Variants in MAML3 observed in about 807,000 individuals in gnomAD.
MAML3 encodes mastermind like transcriptional coactivator 3.
Under a neutral mutation model 101.9 loss-of-function variants are expected in MAML3, and 27 were observed. The ratio of observed to expected loss-of-function variants is 0.27; its 90% CI spans 0.20 to 0.37. MAML3 has a LOEUF of 0.37. Ranked by LOEUF, MAML3 falls within the 10% of genes least tolerant of loss-of-function variation. The pLI is 1.00. For synonymous variants in MAML3, 501 were observed against 555.9 expected, an observed-to-expected ratio of 0.90 and a Z score of 1.39; for missense variants, 1,316 against 1,444.9, an observed-to-expected ratio of 0.91 and a Z score of 1.45.
At chr4:140,007,483 AT>A (rs1726471323) in intron 1 of MAML3, among the ~76,000 whole-genome samples, 1 of 152,204 alleles carries the variant, frequency 6.6e-6, no homozygotes, top group Admixed American at 6.5e-5. Flanking sequence ...TCTGTATTCC[AT>A]TATATTCCAG....
intron 1 of MAML3, among the ~76,000 whole-genome samples, chr4:139,984,260 G>A (rs1337637243): frequency 6.6e-6 from 1 of 151,990 alleles, no homozygotes; most frequent in Non-Finnish European, 1.5e-5. Flanking sequence ...TGCAAATGCG[G>A]AGATCAAGAA....
At chr4:139,911,436 G>A (rs1732917694) in intron 1 of MAML3, among the ~76,000 whole-genome samples, 1 of 152,082 alleles carries the variant, frequency 6.6e-6, no homozygotes, top group South Asian at 2.1e-4. Flanking sequence ...CAGGCTGGTT[G>A]TGAACTCCTG....
chr4:140,084,186 C>G (rs1250962145), intron 1 of MAML3, among the ~76,000 whole-genome samples: 3 of 152,134 alleles, frequency 2.0e-5, no homozygotes, highest in African/African-American at 7.2e-5. Context: ...GTGAGAGAAA[C>G]TTTATCAAAC....
chr4:140,021,688 T>C (rs1166185248), intron 1 of MAML3, among the ~76,000 whole-genome samples: 2 of 152,150 alleles, frequency 1.3e-5, no homozygotes, highest in Non-Finnish European at 2.9e-5. Flanking sequence ...GGGAATCTCA[T>C]TTCTTTCTTC....
intron 2 of MAML3, among the ~76,000 whole-genome samples, chr4:139,832,198 G>A (rs34792891): frequency 0.07 from 10,169 of 145,044 alleles, 645 homozygotes; most frequent in African/African-American, 0.17. Flanking sequence ...TCCACCTCCC[G>A]GGTTCAAGTG....
chr4:139,902,271 A>ACGCGCGCG (rs372725858), intron 1 of MAML3, among the ~76,000 whole-genome samples: 3 of 134,094 alleles, frequency 2.2e-5, no homozygotes, highest in Non-Finnish European at 5.0e-5. Flanking sequence ...ACGCACACAC[A>ACGCGCGCG]CACGCACACA....
chr4:139,819,452 GC>G (rs1314157902), intron 2 of MAML3, among the ~76,000 whole-genome samples: 2 of 152,200 alleles, frequency 1.3e-5, no homozygotes, highest in Non-Finnish European at 2.9e-5. Context: ...TGTATCCCCT[GC>G]ATGAAGCTGC....
At chr4:139,784,862 G>C (rs775141439) in intron 2 of MAML3, among the ~76,000 whole-genome samples, 8 of 152,162 alleles carry the variant, frequency 5.3e-5, no homozygotes, top group Non-Finnish European at 7.3e-5. Flanking sequence ...AGGCTAGCTT[G>C]GTTCTCACAA....
At chr4:139,874,795 C>G (rs1732076417) in intron 2 of MAML3, among the ~76,000 whole-genome samples, 1 of 141,476 alleles carries the variant, frequency 7.1e-6, no homozygotes, top group African/African-American at 2.7e-5. Context: ...ATTATCATCC[C>G]CTATCTTTCC....
chr4:139,811,167 T>A (rs1320987325), intron 2 of MAML3, among the ~76,000 whole-genome samples: 3 of 152,212 alleles, frequency 2.0e-5, no homozygotes, highest in African/African-American at 7.2e-5. Flanking sequence ...AATGAAACTT[T>A]TTAAAACTTA....
At chr4:140,001,481 G>A (rs4863719) in intron 1 of MAML3, among the ~76,000 whole-genome samples, 146,138 of 152,264 alleles carry the variant, frequency 0.96, 70,455 homozygotes, top group East Asian at 1. Flanking sequence ...AAGTTGTTGG[G>A]GTCGGCACAG....
At chr4:139,996,575 TTGA>T (rs1734818537) in intron 1 of MAML3, among the ~76,000 whole-genome samples, 4 of 152,172 alleles carry the variant, frequency 2.6e-5, no homozygotes, top group Admixed American at 2.0e-4. Flanking sequence ...TATATTTTTG[TTGA>T]TGATAATGAT....
intron 1 of MAML3, among the ~76,000 whole-genome samples, chr4:140,098,529 T>C (rs1728197440): frequency 6.6e-6 from 1 of 152,236 alleles, no homozygotes; most frequent in Non-Finnish European, 1.5e-5. Context: ...CCCCCTTTCT[T>C]ATCCTTCCCG....
intron 1 of MAML3, among the ~76,000 whole-genome samples, chr4:140,101,094 TTGAC>T (rs943299850): frequency 2.6e-5 from 4 of 152,094 alleles, no homozygotes; most frequent in African/African-American, 4.8e-5. Context: ...AGAGCAGCCA[TTGAC>T]TGACTAACAG....
chr4:139,722,368 T>C (rs1177317011), intron 4 of MAML3, among the ~76,000 whole-genome samples: 1 of 152,234 alleles, frequency 6.6e-6, no homozygotes, highest in Non-Finnish European at 1.5e-5. Context: ...CCTTCCGTGA[T>C]TTTAAATATA....
At chr4:139,740,570 AC>A (rs1729131639) in intron 2 of MAML3, 1 of 152,070 alleles carries the variant, frequency 6.6e-6, no homozygotes, top group Non-Finnish European at 1.5e-5. Flanking sequence ...GTTTCCCCCA[AC>A]CCGAGCCTTT....
In MAML3 at chr4:139,890,458, C is replaced by T. The variant is rs1732452100; in HGVS notation, c.978G>A (p.Gln326=). 1 of 1,613,686 alleles carries T rather than the reference C, an allele frequency of 6.2e-7. No homozygotes were observed. The highest frequency in any genetic ancestry group is 1.6e-4 in the Middle Eastern group (1 of 6,062). The stretch of plus-strand genomic sequence containing the variant: ...CTTCAAAGTCTTCGTTGAACAGGTC[C>T]TGTATGTCATCCTCAGGAACCGTGT... ...LANTVPEDDI[Q]DLFNEDFEEK... The change falls in exon 2 of 5, where the codon CAG becomes CAA. Residue 326 remains glutamine (Q), a synonymous_variant. Transcript: ENST00000509479. This position sits in a 1 kb window ranked among gnomAD's most constrained non-coding sequence, Gnocchi z 4.1.
intron 1 of MAML3, among the ~76,000 whole-genome samples, chr4:140,021,653 A>G (rs191274994): frequency 1.3e-5 from 2 of 152,014 alleles, no homozygotes; most frequent in East Asian, 3.9e-4. Flanking sequence ...TTTTTCTCCA[A>G]TCCTACTCAG....
intron 1 of MAML3, among the ~76,000 whole-genome samples, chr4:139,924,821 T>G (rs138505065): frequency 8.5e-5 from 13 of 152,316 alleles, no homozygotes; most frequent in Non-Finnish European, 1.9e-4. Flanking sequence ...TGGGAAGAGC[T>G]TCCTTGATCT....
Sources: allele counts gnomAD v4.1 joint callset (sites outside exome capture counted in the v4.1 genomes callset), GRCh38; gene constraint gnomAD v4.1.1; non-coding constraint Gnocchi (gnomAD v3.1); transcripts MANE v1.5; gene names NCBI Gene and HGNC (gene_info 2026-07-23, HGNC 2026-07-21).